ZNF138: variants seen among roughly 807,000 people sequenced by gnomAD.
ZNF138 encodes the protein zinc finger protein 138 (clone pHZ-32).
A neutral mutation model predicts 33.0 loss-of-function variants in ZNF138; 33 were observed. The observed-to-expected ratio is 1.00, with a 90% CI of 0.76 to 1.34. ZNF138 has a LOEUF of 1.34. ZNF138 is among the 40% of genes most tolerant of loss of function. The pLI is 0.00. For synonymous variants in ZNF138, 139 were observed against 120.4 expected (o/e 1.15, Z -1.01); for missense variants, 360 against 370.8 (o/e 0.97, Z 0.24).
chr7:64,831,384 A>T, intron 3 of ZNF138, 67 bp from the exon 4 acceptor site: 1 of 1,346,938 alleles, frequency 7.4e-7, no homozygotes, highest in Non-Finnish European at 1.0e-6. Context: ...TTTATAGGTT[A>T]GATTTGTAAA....
At chr7:64,814,239 C>G (rs1788425157) in intron 1 of ZNF138, 1 of 644,200 alleles carries the variant, frequency 1.6e-6, no homozygotes, top group Non-Finnish European at 2.0e-6. Context: ...TTATTGTACA[C>G]ATTAAAACTT....
chr7:64,814,549 G>A (rs1205340065), intron 1 of ZNF138, among the ~76,000 whole-genome samples: 3 of 152,074 alleles, frequency 2.0e-5, no homozygotes, highest in African/African-American at 7.2e-5. Flanking sequence ...GGTGGATCAC[G>A]AGGTCAGGAG....
At chr7:64,834,053 GTTT>G (rs1292641520), downstream of ZNF138, among the ~76,000 whole-genome samples, 1 of 152,154 alleles carries the variant, frequency 6.6e-6, no homozygotes, top group Non-Finnish European at 1.5e-5. Flanking sequence ...TAAAAAAAGA[GTTT>G]TTATTTTGAA....
chr7:64,837,100 C>T (rs879601191), downstream of ZNF138, among the ~76,000 whole-genome samples: 7 of 152,062 alleles, frequency 4.6e-5, no homozygotes, highest in Non-Finnish European at 1.5e-5. Context: ...ATTGTTGGAG[C>T]CTGTCACATG....
rs769757728 is a variant in ZNF138 at position 64,832,008 on chromosome 7, T to C, written c.766T>C (p.Cys256Arg). 13 of 1,613,830 alleles carry C rather than the reference T, an allele frequency of 8.1e-6. No homozygotes were observed. The highest frequency in any genetic ancestry group is 5.0e-5 in the Admixed American group (3 of 59,998). Residue 256 changes from cysteine (C) to arginine (R), a missense_variant, in exon 4 of 4, where the codon TGT becomes CGT. Transcript: ENST00000307355. ...TGEKPYKCAH[C>R]GKAFKQSSHL... ...AGAAAAACCCTATAAATGTGCACAC[T>C]GTGGCAAAGCCTTTAAACAGTCCTC...
intron 3 of ZNF138, among the ~76,000 whole-genome samples, chr7:64,819,296 A>G (rs1788920975): frequency 6.6e-6 from 1 of 151,690 alleles, no homozygotes; most frequent in Non-Finnish European, 1.5e-5. Context: ...TATTTTTACC[A>G]TGAGTTTTAT....
the ZNF138 span, chr7:64,853,007 T>C: frequency 3.4e-6 from 5 of 1,487,564 alleles, no homozygotes; most frequent in African/African-American, 6.9e-5. Context: ...ATTGTCACAT[T>C]CTGTGACCCC....
the ZNF138 span, among the ~76,000 whole-genome samples, chr7:64,847,573 C>A: frequency 6.6e-6 from 1 of 151,910 alleles, no homozygotes; most frequent in African/African-American, 2.4e-5. Context: ...TGACATTTTT[C>A]TGTTGAACAA....
chr7:64,826,859 A>G lies in ZNF138; in HGVS notation c.209-4592A>G, dbSNP rs577149471. Among the ~76,000 whole-genome samples the G allele has an allele frequency of 5.3e-5, 8 of 152,110 alleles. No individual in the cohort carries two copies. The South Asian group carries it at 1.5e-3, about 28-fold the overall frequency. On this transcript the variant is annotated intron_variant, in intron 3 of 3. Coordinates refer to ENST00000307355, the MANE Select transcript of ZNF138 (RefSeq NM_001271639.2). ...TAGACAAGGTTTTGCCATGTTGGCC[A>G]GGCTAGTCTCAAACTTCTGGCCTCA...
intron 1 of ZNF138, 106 bp from the exon 2 acceptor site, chr7:64,814,812 T>G (rs1003206849): frequency 5.6e-5 from 79 of 1,413,816 alleles, no homozygotes; most frequent in Non-Finnish European, 7.1e-5. Context: ...CTGTAAGACA[T>G]AATCAGTTTT....
At chr7:64,847,274 A>C in the ZNF138 span, among the ~76,000 whole-genome samples, 1 of 149,862 alleles carries the variant, frequency 6.7e-6, no homozygotes, top group African/African-American at 2.5e-5. Flanking sequence ...GGAGTTTGAG[A>C]TCAGCATGGC....
chr7:64,830,878 A>G (rs1388769714), intron 3 of ZNF138: 9 of 1,468,574 alleles, frequency 6.1e-6, no homozygotes, highest in Non-Finnish European at 8.1e-6. Context: ...TTTTTAGTTC[A>G]TTCTTGTTTC....
the ZNF138 span, among the ~76,000 whole-genome samples, chr7:64,851,250 C>T: frequency 2.0e-5 from 3 of 152,108 alleles, no homozygotes; most frequent in African/African-American, 2.4e-5. Flanking sequence ...TGTTTCCTTC[C>T]CACCACACCC....
At chr7:64,854,948 A>G in the ZNF138 span, among the ~76,000 whole-genome samples, 5 of 152,354 alleles carry the variant, frequency 3.3e-5, no homozygotes, top group East Asian at 9.6e-4. Flanking sequence ...CTCTCAATTT[A>G]GAATAAATTA....
chr7:64,827,785 CTTTCATGT>C lies in ZNF138; in HGVS notation c.209-3662_209-3655del, dbSNP rs1404171552. Among the ~76,000 whole-genome samples, 3 of 151,512 alleles carry C rather than the reference CTTTCATGT, an allele frequency of 2.0e-5. No homozygotes were observed. The East Asian group carries it at 5.8e-4, about 29-fold the overall frequency. ...CTTGATGGTGTCTAGTAAGTTTTAC[CTTTCATGT>C]TTTAATTTTCTTCTGCAATTTTATA... On this transcript the variant is annotated intron_variant, in intron 3 of 3. Transcript: ENST00000307355.
the ZNF138 span, among the ~76,000 whole-genome samples, chr7:64,851,992 AC>A: frequency 6.6e-6 from 1 of 152,140 alleles, no homozygotes; most frequent in South Asian, 2.1e-4. Context: ...ACCATTCAAG[AC>A]TCTTAAAAAA....
intron 1 of ZNF138, among the ~76,000 whole-genome samples, chr7:64,797,701 A>G (rs1476376496): frequency 6.6e-6 from 1 of 152,212 alleles, no homozygotes; most frequent in African/African-American, 2.4e-5. Flanking sequence ...GGTCATACTC[A>G]GGATGAAGTT....
the ZNF138 span, among the ~76,000 whole-genome samples, chr7:64,843,831 A>ATTTT: frequency 4.0e-4 from 60 of 150,474 alleles, no homozygotes; most frequent in Non-Finnish European, 5.2e-4. Flanking sequence ...TATTTTTTTT[A>ATTTT]TTTTTTTGTT....
chr7:64,834,793 G>A (rs980723332), downstream of ZNF138, among the ~76,000 whole-genome samples: 4 of 152,140 alleles, frequency 2.6e-5, no homozygotes, highest in Non-Finnish European at 5.9e-5. Flanking sequence ...AGTGTTCAGA[G>A]TAGTATTCTG....
Sources: allele counts gnomAD v4.1 joint callset (sites outside exome capture counted in the v4.1 genomes callset), GRCh38; gene constraint gnomAD v4.1.1; transcripts MANE v1.5; gene names NCBI Gene and HGNC (gene_info 2026-07-23, HGNC 2026-07-21).